The following ANKRD27 variants were observed in gnomAD, a reference collection of about 807,000 sequenced individuals.
ANKRD27 encodes ankyrin repeat domain-containing protein 27.
Under a neutral mutation model 129.7 loss-of-function variants are expected in ANKRD27, and 112 were observed. That is an observed-to-expected ratio of 0.86 (90% CI 0.74 to 1.01). The LOEUF (loss-of-function observed/expected upper bound fraction) is 1.01, where lower values mean the gene tolerates loss of function less well. Ranked by LOEUF, ANKRD27 falls within the 50% of genes least tolerant of loss-of-function variation. The pLI is 0.00. For synonymous variants in ANKRD27, 516 were observed against 511.2 expected (o/e 1.01, Z -0.13); for missense variants, 1,258 against 1,300.5 (o/e 0.97, Z 0.50).
At chr19:32,646,395 A>G (rs966979915) in intron 4 of ANKRD27, 64 bp downstream of exon 4, 2 of 1,527,868 alleles carry the variant, frequency 1.3e-6, no homozygotes, top group Admixed American at 1.9e-5. Flanking sequence ...CAGCTAAGTC[A>G]GGAACAAGTT....
chr19:32,623,602 T>C (rs1972046737), intron 17 of ANKRD27, among the ~76,000 whole-genome samples: 1 of 149,786 alleles, frequency 6.7e-6, no homozygotes, highest in Non-Finnish European at 1.5e-5. Context: ...TAGGCTGGAG[T>C]ACAGCAGTGC....
rs561644349 is a variant in ANKRD27 at position 32,633,241 on chromosome 19, T to A, written c.1117-1747A>T. 1.1e-4 allele frequency among the ~76,000 whole-genome samples: 16 copies of A among 152,160 alleles called. No homozygotes were observed. In the East Asian group the frequency reaches 3.1e-3, roughly 29 times the overall value. ...CTTACTAAAGAAATGGGTAAATCCT[T>A]TCTATGAGAAACCCAGTAACGTAAG... On this transcript the variant is annotated intron_variant, in intron 12 of 28. Coordinates refer to ENST00000306065, the MANE Select transcript of ANKRD27 (RefSeq NM_032139.3).
chr19:32,664,055 CAAA>C (rs869264224), intron 1 of ANKRD27, among the ~76,000 whole-genome samples: 26 of 31,402 alleles, frequency 8.3e-4, no homozygotes, highest in Non-Finnish European at 1.7e-3. Flanking sequence ...GACTCTGTCT[CAAA>C]AAAAAAAAAA....
chr19:32,651,020 C>T (rs570874991), intron 2 of ANKRD27, among the ~76,000 whole-genome samples: 1 of 152,180 alleles, frequency 6.6e-6, no homozygotes, highest in East Asian at 1.9e-4. Flanking sequence ...GCTGGGATGA[C>T]AGTCATGAGC....
At chr19:32,657,749 A>C (rs745455183) in intron 2 of ANKRD27, among the ~76,000 whole-genome samples, 2 of 152,124 alleles carry the variant, frequency 1.3e-5, no homozygotes, top group Non-Finnish European at 2.9e-5. Flanking sequence ...CGAGGTGGGC[A>C]GATCACCTGA....
chr19:32,639,321 C>A, intron 12 of ANKRD27, 35 bp downstream of exon 12: 1 of 1,613,516 alleles, frequency 6.2e-7, no homozygotes, highest in Non-Finnish European at 8.5e-7. Context: ...CCATGATGCC[C>A]ACAAAGGAAG....
rs572219742 is a variant in ANKRD27, at chr19:32,639,498, G to C, written c.984-10C>G. 1 of 1,607,194 alleles carries C rather than the reference G, an allele frequency of 6.2e-7. No homozygotes were observed. The highest frequency in any genetic ancestry group is 1.3e-5 in the African/African-American group (1 of 74,628). On this transcript the variant is annotated splice_polypyrimidine_tract_variant and intron_variant, in intron 11 of 28. Transcript: ENST00000306065. ...ACTCAAATTTGCCATCCTAATGAAA[G>C]GAAGAAAAAAGTTATGTTGTTGTCT...
chr19:32,660,521 A>T (rs1489390676), intron 1 of ANKRD27, among the ~76,000 whole-genome samples: 4 of 152,162 alleles, frequency 2.6e-5, no homozygotes, highest in Admixed American at 2.6e-4. Context: ...CCGTTTCAAA[A>T]AAAAGAAAAA....
In ANKRD27 at chr19:32,615,698, T is replaced by C. The variant is rs1971905678; in HGVS notation, c.2135A>G (p.His712Arg). 6.2e-7 allele frequency: 1 copy of C among 1,614,190 alleles called. No homozygotes were observed. Residue 712 changes from histidine (H) to arginine (R), a missense_variant, in exon 22 of 29, where the codon CAC becomes CGC. Physicochemically the swap from His to Arg is conservative, Grantham distance 29. Coordinates refer to ENST00000306065, the MANE Select transcript of ANKRD27 (RefSeq NM_032139.3). ...TVSAADPEFCHPLCQCPKCAP... is the reference protein window; with the variant it reads ...TVSAADPEFCRPLCQCPKCAP... Reference sequence around the variant, plus strand: ...ACACTTGGGGCACTGGCACAACGGGTGACAGAATTCGGGGTCCGCTGCACT... The same window carrying C: ...ACACTTGGGGCACTGGCACAACGGGCGACAGAATTCGGGGTCCGCTGCACT...
At position 32,628,729 on chromosome 19, in the gene ANKRD27, C is replaced by A; in HGVS notation, c.1330G>T (p.Val444Phe). The change falls in exon 14 of 29, where the codon GTC (valine) becomes TTC (phenylalanine). Residue 444 changes from valine (V) to phenylalanine (F), a missense_variant. Val to Phe is a conservative substitution (Grantham distance 50). Coordinates refer to ENST00000306065, the MANE Select transcript of ANKRD27 (RefSeq NM_032139.3). ...CCACCAGCACCCTCTTACCCAGAGA[C>A]GAGTTTCTCACAGTCATCGCAGAAG... is the stretch of plus-strand genomic sequence containing the variant. Reference protein sequence around the residue: ...LCFCDDCEKLVSGRLNDPSVV... With the variant: ...LCFCDDCEKLFSGRLNDPSVV... The A allele has an allele frequency of 6.2e-7, 1 of 1,613,908 alleles. No individual in the cohort carries two copies. The highest frequency in any genetic ancestry group is 2.2e-5 in the East Asian group (1 of 44,854).
At chr19:32,645,437 AATTT>A (rs1310745841) in intron 4 of ANKRD27, among the ~76,000 whole-genome samples, 2 of 151,282 alleles carry the variant, frequency 1.3e-5, no homozygotes. Context: ...TAATAATAAT[AATTT>A]ATTTTATTGT....
chr19:32,613,353 G>A (rs2145267414), intron 22 of ANKRD27, among the ~76,000 whole-genome samples: 1 of 152,254 alleles, frequency 6.6e-6, no homozygotes, highest in South Asian at 2.1e-4. Flanking sequence ...CAGCCTGCTT[G>A]GGAAAAGACT....
chr19:32,629,844 C>CTTTTTTTT (rs548494616), intron 13 of ANKRD27, among the ~76,000 whole-genome samples: 6 of 105,606 alleles, frequency 5.7e-5, no homozygotes, highest in East Asian at 2.6e-4. Context: ...CTCTTGTGTT[C>CTTTTTTTT]TTTTTTTTTT....
intron 25 of ANKRD27, among the ~76,000 whole-genome samples, chr19:32,603,594 A>G (rs1465902642): frequency 6.6e-6 from 1 of 152,162 alleles, no homozygotes; most frequent in Non-Finnish European, 1.5e-5. Flanking sequence ...GCTGGAGTGC[A>G]GTGGCACAAT....
Position 32,598,373 on chromosome 19 carries a change from C to A in ANKRD27, c.2925G>T (p.Gly975=). 1.2e-6 allele frequency: 2 copies of A among 1,614,120 alleles called. No individual in the cohort carries two copies. Among genetic ancestry groups the A allele is most frequent in the Non-Finnish European group, 1.7e-6 (2 of 1,180,012 alleles). ...TCTGTCTCAGTGTGACACTTTGCCT[C>A]CCTGGCTAAAGAAAAAGTACATTTT... ...NLTEGSLHEP[G]RQSVTLRQNN... The change falls in exon 29 of 29, where the codon GGG becomes GGT. Residue 975 remains glycine (G), a synonymous_variant. Coordinates refer to ENST00000306065, the MANE Select transcript of ANKRD27 (RefSeq NM_032139.3).
intron 2 of ANKRD27, among the ~76,000 whole-genome samples, chr19:32,653,496 C>T (rs7255287): frequency 0.087 from 13,271 of 152,102 alleles, 1,970 homozygotes; most frequent in African/African-American, 0.3. Flanking sequence ...GCTCTGAGGA[C>T]GCCACAGGTG....
At position 32,673,441 on chromosome 19, in the gene ANKRD27, T is replaced by C. The variant is rs999457334; in HGVS notation, c.-31+1630A>G. ...CTTTCCAGCGCCGAGCTCTGCAGGA[T>C]TCCTCAAAGGATTCCCCTGCACTCC... On this transcript the variant is annotated intron_variant, in intron 1 of 28. Transcript: ENST00000306065. 5 of 985,356 alleles carry C rather than the reference T, an allele frequency of 5.1e-6. No individual in the cohort carries two copies. In the South Asian group the frequency reaches 2.3e-4, roughly 46 times the overall value. The allele number at this position is 985,356 out of a possible 1,614,324, so 61.0% of individuals were successfully genotyped here. A position where few individuals can be genotyped will look rare whatever the true frequency, so the allele number is the denominator to read the frequency against.
chr19:32,619,077 C>T (rs35946544), intron 20 of ANKRD27, among the ~76,000 whole-genome samples, 183 bp downstream of exon 20: 60,074 of 152,066 alleles, frequency 0.4, 14,987 homozygotes, highest in Non-Finnish European at 0.57. Flanking sequence ...TATACAGCAC[C>T]GCGAGATGCT....
chr19:32,598,089 A>C lies in ANKRD27; in HGVS notation c.*56T>G, dbSNP rs1044635399. On this transcript the variant is annotated 3_prime_UTR_variant, in exon 29 of 29. Transcript: ENST00000306065. ...GTTCTCAGATGTGTTCACGCTCAGC[A>C]TCATCTTGTTGCATCCTTGCTTCCT... 1 of 1,516,750 alleles carries C rather than the reference A, an allele frequency of 6.6e-7. No homozygotes were observed. Among genetic ancestry groups the C allele is most frequent in the East Asian group, 2.3e-5 (1 of 44,102 alleles). 94.0% of individuals were successfully genotyped at this position (1,516,750 alleles called of 1,614,324 possible).
Sources: allele counts gnomAD v4.1 joint callset (sites outside exome capture counted in the v4.1 genomes callset), GRCh38; gene constraint gnomAD v4.1.1; transcripts MANE v1.5; gene names NCBI Gene and HGNC (gene_info 2026-07-23, HGNC 2026-07-21).